LYZL4: variants seen among roughly 807,000 people sequenced by gnomAD.
The protein encoded by LYZL4 is lysozyme-like protein 4.
In LYZL4, 13 loss-of-function variants were observed where a neutral mutation model predicts 17.6. The ratio of observed to expected loss-of-function variants is 0.74; its 90% CI spans 0.48 to 1.18. The LOEUF (loss-of-function observed/expected upper bound fraction) is 1.18, where lower values mean the gene tolerates loss of function less well. Among genes scored for constraint, LYZL4 ranks in the 50% most tolerant of loss-of-function variants. LYZL4 has a pLI of 0.00. For synonymous variants in LYZL4, 64 were observed against 67.7 expected (o/e 0.95, Z 0.27); for missense variants, 174 against 188.2 (o/e 0.92, Z 0.44).
At chr3:42,383,568 A>T in the LYZL4 span, among the ~76,000 whole-genome samples, 2 of 152,178 alleles carry the variant, frequency 1.3e-5, no homozygotes, top group African/African-American at 4.8e-5. Flanking sequence ...GGATCAACAC[A>T]CATCTTAGAG....
downstream of LYZL4, among the ~76,000 whole-genome samples, chr3:42,395,718 GC>G (rs944734222): frequency 6.6e-6 from 1 of 152,130 alleles, no homozygotes; most frequent in Non-Finnish European, 1.5e-5. Flanking sequence ...AAAAGGGGCA[GC>G]CCCAAACAGG....
At position 42,407,150 on chromosome 3, in the gene LYZL4, T is replaced by C; in HGVS notation, c.102A>G (p.Gly34=). The change falls in exon 2 of 5, where the codon GGA becomes GGG. Residue 34 remains glycine (G), a synonymous_variant. Coordinates refer to ENST00000287748, the MANE Select transcript of LYZL4 (RefSeq NM_144634.4). ...TATAGCCCTCAAAATAATCCAGGCC[T>C]CCATCGTGGAGTTTCTTAGCCACTG... The part of the protein sequence containing the change: ...RCTVAKKLHD[G]GLDYFEGYSL... The C allele has an allele frequency of 1.2e-6, 2 of 1,614,132 alleles. No homozygotes were observed. The highest frequency in any genetic ancestry group is 1.7e-6 in the Non-Finnish European group (2 of 1,180,022).
chr3:42,372,070 A>G, the LYZL4 span, among the ~76,000 whole-genome samples: 2 of 152,196 alleles, frequency 1.3e-5, no homozygotes, highest in African/African-American at 4.8e-5. Context: ...CCTGAACTAC[A>G]ATTTCCTACT....
At chr3:42,361,779 G>T in the LYZL4 span, among the ~76,000 whole-genome samples, 1 of 152,062 alleles carries the variant, frequency 6.6e-6, no homozygotes, top group African/African-American at 2.4e-5. Context: ...GCAGGGTTTA[G>T]GTTCACAGCA....
the LYZL4 span, among the ~76,000 whole-genome samples, chr3:42,367,613 G>A: frequency 6.6e-6 from 1 of 151,328 alleles, no homozygotes; most frequent in South Asian, 2.1e-4. Context: ...TGGGATGCCT[G>A]TAGCTGGGGA....
chr3:42,380,962 T>C, the LYZL4 span, among the ~76,000 whole-genome samples: 2,843 of 152,314 alleles, frequency 0.019, 94 homozygotes, highest in African/African-American at 0.065. Flanking sequence ...AATATAGTTG[T>C]GTGGTTGGGT....
chr3:42,381,469 A>G, the LYZL4 span, among the ~76,000 whole-genome samples: 1 of 152,206 alleles, frequency 6.6e-6, no homozygotes, highest in African/African-American at 2.4e-5. Flanking sequence ...CGGCTGTGTA[A>G]AGTGATCAAA....
the LYZL4 span, among the ~76,000 whole-genome samples, chr3:42,370,994 T>G: frequency 2.0e-5 from 3 of 152,118 alleles, no homozygotes; most frequent in East Asian, 5.8e-4. Context: ...CCTGAACAGG[T>G]TTCCCTGTTT....
At chr3:42,398,036 C>T (rs916122167) in intron 4 of LYZL4, among the ~76,000 whole-genome samples, 2 of 152,134 alleles carry the variant, frequency 1.3e-5, no homozygotes, top group African/African-American at 2.4e-5. Context: ...CCGGTTTCCA[C>T]GGGTCTTCCA....
the LYZL4 span, among the ~76,000 whole-genome samples, chr3:42,372,300 C>A: frequency 5.9e-5 from 9 of 152,130 alleles, no homozygotes; most frequent in Admixed American, 1.3e-4. Flanking sequence ...TTGTCAGGTG[C>A]GAGTGATCAC....
At chr3:42,397,520 C>T (rs1559453468) in intron 4 of LYZL4, among the ~76,000 whole-genome samples, 186 bp from the exon 5 acceptor site, 1 of 152,180 alleles carries the variant, frequency 6.6e-6, no homozygotes, top group Non-Finnish European at 1.5e-5. Context: ...CACATCCTGG[C>T]TTGAATACTG....
At chr3:42,371,153 C>G in the LYZL4 span, among the ~76,000 whole-genome samples, 4 of 152,206 alleles carry the variant, frequency 2.6e-5, no homozygotes, top group Non-Finnish European at 4.4e-5. Flanking sequence ...CTCTGTAATA[C>G]TGGATGCACT....
At chr3:42,367,831 A>G in the LYZL4 span, among the ~76,000 whole-genome samples, 1 of 152,366 alleles carries the variant, frequency 6.6e-6, no homozygotes, top group South Asian at 2.1e-4. Context: ...AATATTCATT[A>G]CAAAAGAAAC....
At chr3:42,366,751 G>A in the LYZL4 span, among the ~76,000 whole-genome samples, 22,796 of 152,212 alleles carry the variant, frequency 0.15, 4,312 homozygotes, top group African/African-American at 0.44. Flanking sequence ...CGAACATGCC[G>A]AGTACCTACT....
intron 2 of LYZL4, 30 bp downstream of exon 2, chr3:42,407,083 A>C (rs1698769118): frequency 6.2e-7 from 1 of 1,613,992 alleles, no homozygotes; most frequent in East Asian, 2.2e-5. Flanking sequence ...AGGAGGTGAG[A>C]GGAGGGAGCA....
At chr3:42,360,892 C>T in the LYZL4 span, among the ~76,000 whole-genome samples, 117 of 152,068 alleles carry the variant, frequency 7.7e-4, no homozygotes, top group East Asian at 5.8e-3. Context: ...TAATTTGGTA[C>T]GCAATTAGGT....
chr3:42,360,893 G>A, the LYZL4 span, among the ~76,000 whole-genome samples: 1 of 151,990 alleles, frequency 6.6e-6, no homozygotes, highest in Non-Finnish European at 1.5e-5. Flanking sequence ...AATTTGGTAC[G>A]CAATTAGGTT....
the LYZL4 span, among the ~76,000 whole-genome samples, chr3:42,362,853 A>G: frequency 6.6e-6 from 1 of 152,236 alleles, no homozygotes; most frequent in Non-Finnish European, 1.5e-5. Flanking sequence ...TTTATAATGG[A>G]GAAATCTGGT....
intron 3 of LYZL4, among the ~76,000 whole-genome samples, chr3:42,405,573 A>G (rs1420084504): frequency 6.6e-6 from 1 of 152,132 alleles, no homozygotes; most frequent in Non-Finnish European, 1.5e-5. Flanking sequence ...TCTGTCTCCT[A>G]AAGACCCAGC....
Sources: gnomAD v4.1 joint callset for allele counts (sites outside exome capture counted in the v4.1 genomes callset) on GRCh38, gnomAD v4.1.1 for gene constraint, MANE v1.5 for transcripts, NCBI Gene and HGNC (gene_info 2026-07-23, HGNC 2026-07-21) for gene names.